Variants in UHRF2 observed in about 807,000 individuals in gnomAD.
UHRF2 encodes ubiquitin like with PHD and ring finger domains 2.
A neutral mutation model predicts 96.8 loss-of-function variants in UHRF2; 23 were observed. The observed-to-expected ratio is 0.24, with a 90% CI of 0.17 to 0.34. The LOEUF (loss-of-function observed/expected upper bound fraction) is 0.34. Ranked by LOEUF, UHRF2 falls within the 10% of genes least tolerant of loss-of-function variation. The probability of loss-of-function intolerance (pLI) is 1.00; values close to 1 mark genes in which losing one functional copy is unlikely to be tolerated. For synonymous variants in UHRF2, 385 were observed against 332.6 expected (o/e 1.16, Z -1.72); for missense variants, 685 against 981.5 (o/e 0.70, Z 4.04).
At chr9:6,457,877 G>A (rs1427158638) in intron 3 of UHRF2, among the ~76,000 whole-genome samples, 2 of 152,180 alleles carry the variant, frequency 1.3e-5, no homozygotes, top group East Asian at 3.8e-4. Flanking sequence ...TGGTGGATAA[G>A]CTTTTTGATA....
chr9:6,449,984 GTTGTTTGTTTT>G (rs748147649), intron 3 of UHRF2, among the ~76,000 whole-genome samples: 45 of 152,146 alleles, frequency 3.0e-4, no homozygotes, highest in African/African-American at 8.9e-4. Context: ...GCTTTTCATT[GTTGTTTGTTTT>G]TTGTTTGTTT....
At chr9:6,486,428 G>A (rs937955907) in intron 8 of UHRF2, among the ~76,000 whole-genome samples, 1 of 152,174 alleles carries the variant, frequency 6.6e-6, no homozygotes, top group Non-Finnish European at 1.5e-5. Flanking sequence ...TAGGCAACAG[G>A]GCCACTATCC....
intron 8 of UHRF2, among the ~76,000 whole-genome samples, chr9:6,483,322 C>G (rs1273173408): frequency 2.6e-4 from 29 of 111,242 alleles, no homozygotes; most frequent in Non-Finnish European, 1.7e-5. Context: ...GAGACTCTGT[C>G]TCAAAAAAAA....
chr9:6,459,008 G>A lies in UHRF2; in HGVS notation c.645-1565G>A, dbSNP rs138163072. Among the ~76,000 whole-genome samples the A allele has an allele frequency of 2.0e-3, 310 of 152,218 alleles. 1 individual carries two copies. The highest frequency in any genetic ancestry group is 3.7e-3 in the Non-Finnish European group (254 of 68,002). ...CACATGTTCTCACTCATAAGTGGAA[G>A]TTGAACAATGAGAACCCATGGACGC... On this transcript the variant is annotated intron_variant, in intron 3 of 15. Coordinates refer to ENST00000276893, the MANE Select transcript of UHRF2 (RefSeq NM_152896.3).
chr9:6,443,532 T>G (rs983681321), intron 3 of UHRF2, among the ~76,000 whole-genome samples: 10 of 152,224 alleles, frequency 6.6e-5, no homozygotes, highest in Admixed American at 5.2e-4. Context: ...CATCTATCTA[T>G]AGCATGTCAG....
intron 9 of UHRF2, among the ~76,000 whole-genome samples, chr9:6,493,540 T>G (rs1279707203): frequency 6.6e-6 from 1 of 152,210 alleles, no homozygotes; most frequent in Admixed American, 6.5e-5. Flanking sequence ...GACCTTACCT[T>G]GTTTGTAACA....
chr9:6,460,828 A>T (rs1187864516), intron 4 of UHRF2, 37 bp downstream of exon 4: 1 of 1,560,882 alleles, frequency 6.4e-7, no homozygotes, highest in Non-Finnish European at 8.7e-7. Context: ...TAATTAACTG[A>T]ATTGATCAAG....
At chr9:6,421,837 T>C (rs1382845245) in intron 2 of UHRF2, among the ~76,000 whole-genome samples, 1 of 152,244 alleles carries the variant, frequency 6.6e-6, no homozygotes, top group Admixed American at 6.5e-5. Flanking sequence ...GCTACTTACG[T>C]ATATTTCTCT....
At chr9:6,464,489 A>G (rs536696388) in intron 4 of UHRF2, among the ~76,000 whole-genome samples, 2 of 152,078 alleles carry the variant, frequency 1.3e-5, no homozygotes, top group Admixed American at 6.5e-5. Context: ...TGTACTTTCT[A>G]TGTCTTTCTT....
intron 4 of UHRF2, among the ~76,000 whole-genome samples, chr9:6,472,989 G>A (rs1413945382): frequency 6.6e-6 from 1 of 152,224 alleles, no homozygotes; most frequent in African/African-American, 2.4e-5. Context: ...TAATGTGTAT[G>A]TTTAAAATGT....
chr9:6,420,984 G>C lies in UHRF2; in HGVS notation c.226G>C (p.Asp76His), dbSNP rs771544815. 6.2e-7 allele frequency: 1 copy of C among 1,613,268 alleles called. No individual in the cohort carries two copies. The highest frequency in any genetic ancestry group is 1.3e-5 in the African/African-American group (1 of 74,604). Residue 76 changes from aspartate to histidine, a missense_variant, in exon 2 of 16, where the codon GAC becomes CAC. Transcript: ENST00000276893. The part of the protein sequence containing the change: ...NDIIQLLVRP[D>H]PDHLPGTSTQ... ...TATAATTCAGCTGCTAGTTCGCCCA[G>C]ACCCTGATCATCTTCCTGGCACATC...
chr9:6,499,399 G>C (rs893688553), intron 12 of UHRF2: 1 of 152,324 alleles, frequency 6.6e-6, no homozygotes, highest in African/African-American at 2.4e-5. Flanking sequence ...TAGGAGATGA[G>C]AAGTTTGACC....
At chr9:6,488,215 C>T (rs1824425100) in intron 9 of UHRF2, among the ~76,000 whole-genome samples, 1 of 123,918 alleles carries the variant, frequency 8.1e-6, no homozygotes, top group Admixed American at 9.9e-5. Flanking sequence ...CGCAGCACTC[C>T]AGCCTGGGTG....
chr9:6,439,199 T>G (rs534147189), intron 3 of UHRF2, among the ~76,000 whole-genome samples: 15 of 152,360 alleles, frequency 9.8e-5, no homozygotes, highest in African/African-American at 3.6e-4. Flanking sequence ...TTTTGTTTGT[T>G]TCTTTGAGAC....
rs777377904 is a variant in UHRF2 at position 6,481,703 on chromosome 9, G to A, written c.1221G>A (p.Lys407=). 23 of 1,613,792 alleles carry A rather than the reference G, an allele frequency of 1.4e-5. No homozygotes were observed. The highest frequency in any genetic ancestry group is 1.9e-5 in the Non-Finnish European group (22 of 1,179,892). The change falls in exon 7 of 16, where the codon AAG becomes AAA. Residue 407 remains lysine (K), a synonymous_variant. Transcript: ENST00000276893. ...SEVVKAGERL[K]MSKKKAKMPS... ...TTGTAAAGGCTGGTGAAAGACTCAA[G>A]ATGAGTAAAAAGAAAGCAAAGATGC...
At chr9:6,441,192 A>G (rs1821141568) in intron 3 of UHRF2, among the ~76,000 whole-genome samples, 1 of 152,080 alleles carries the variant, frequency 6.6e-6, no homozygotes, top group Non-Finnish European at 1.5e-5. Flanking sequence ...CAGCCTAGGC[A>G]ACATGGCAAA....
chr9:6,506,063 G>C lies in UHRF2; in HGVS notation c.2293G>C (p.Val765Leu). ...CCTACAGCGCTCCTTTAAGGCACAG[G>C]TTTTCTCCTGCCCTGCTTGCCGGCA... ...DCLQRSFKAQ[V>L]FSCPACRHDL... is the part of the protein sequence containing the mutation. Residue 765 changes from valine to leucine, a missense_variant, in exon 16 of 16, where the codon GTT becomes CTT. By Grantham distance (32) the Val-to-Leu change is conservative (BLOSUM62 1). Around this residue, in one of 6 missense-constraint regions of UHRF2, gnomAD observed 71 missense variants for 114.1 expected, o/e 0.62. Coordinates refer to ENST00000276893, the MANE Select transcript of UHRF2 (RefSeq NM_152896.3). 1 of 1,614,134 alleles carries C rather than the reference G, an allele frequency of 6.2e-7. No individual in the cohort carries two copies. The highest frequency in any genetic ancestry group is 8.5e-7 in the Non-Finnish European group (1 of 1,180,030).
At chr9:6,438,212 C>G (rs1241663532) in intron 3 of UHRF2, among the ~76,000 whole-genome samples, 1 of 152,162 alleles carries the variant, frequency 6.6e-6, no homozygotes, top group Non-Finnish European at 1.5e-5. Flanking sequence ...AACTTCCTAC[C>G]AGTCAAATAT....
Position 6,477,751 on chromosome 9 carries a change from C to A in UHRF2, c.1103C>A (p.Ala368Asp). ...CTTCTGTGTGATGAATGTAATGTGG[C>A]TTATCATATTTACTGTCTGAATCCA... Reference protein sequence around the residue: ...MQLLCDECNVAYHIYCLNPPL... With the variant: ...MQLLCDECNVDYHIYCLNPPL... The change falls in exon 6 of 16, where the codon GCT (alanine) becomes GAT (aspartate). Residue 368 changes from alanine (A) to aspartate (D), a missense_variant. Ala to Asp is a moderately radical substitution (Grantham distance 126, BLOSUM62 -2). Coordinates refer to ENST00000276893, the MANE Select transcript of UHRF2 (RefSeq NM_152896.3). 6.2e-7 allele frequency: 1 copy of A among 1,613,818 alleles called. No individual in the cohort carries two copies. The highest frequency in any genetic ancestry group is 8.5e-7 in the Non-Finnish European group (1 of 1,179,836).
Sources: allele counts gnomAD v4.1 joint callset (sites outside exome capture counted in the v4.1 genomes callset), GRCh38; gene constraint gnomAD v4.1.1; regional missense constraint gnomAD v4.1.1; transcripts MANE v1.5; gene names NCBI Gene and HGNC (gene_info 2026-07-23, HGNC 2026-07-21).